The following CACNB1 variants were observed in gnomAD, a reference collection of about 807,000 sequenced individuals.
The protein encoded by CACNB1 is voltage-dependent L-type calcium channel subunit beta-1.
CACNB1 carries 29 observed loss-of-function variants against 71.6 expected under a neutral mutation model. The observed-to-expected ratio is 0.40, with a 90% CI of 0.30 to 0.55. The LOEUF (loss-of-function observed/expected upper bound fraction) is 0.55, where lower values mean the gene tolerates loss of function less well. Among genes scored for constraint, CACNB1 ranks in the 20% least tolerant of loss-of-function variants. The pLI is 0.38. For synonymous variants in CACNB1, 300 were observed against 319.6 expected (o/e 0.94, Z 0.65); for missense variants, 623 against 801.8 (o/e 0.78, Z 2.69).
chr17:39,177,699 T>C (rs1361938170), intron 12 of CACNB1, among the ~76,000 whole-genome samples, 164 bp from the exon 13 acceptor site: 1 of 152,126 alleles, frequency 6.6e-6, no homozygotes, highest in Non-Finnish European at 1.5e-5. Context: ...ATCTACAGAT[T>C]GGCAGAACTG....
At chr17:39,179,208 G>A (rs1442075167) in intron 11 of CACNB1, among the ~76,000 whole-genome samples, 1 of 149,540 alleles carries the variant, frequency 6.7e-6, no homozygotes, top group African/African-American at 2.5e-5. Context: ...CAGAAGAATG[G>A]AGGCAGAGCT....
At chr17:39,185,940 C>G (rs762174033) in intron 6 of CACNB1, 1 of 1,609,328 alleles carries the variant, frequency 6.2e-7, no homozygotes, top group Non-Finnish European at 8.5e-7. Context: ...AAGAACACAG[C>G]GAGAATTACC....
rs772228737 is a variant in CACNB1 at position 39,177,246 on chromosome 17, T to G, written c.1332+104A>C. 8 of 1,591,648 alleles carry G rather than the reference T, an allele frequency of 5.0e-6. No homozygotes were observed. The Admixed American group carries it at 1.2e-4, about 24-fold the overall frequency. On this transcript the variant is annotated intron_variant, in intron 13 of 13. Coordinates refer to ENST00000394303, the MANE Select transcript of CACNB1 (RefSeq NM_000723.5). ...GAGGGAAGACGGGCAGGGCGCCCACTACATGGCATGTTCCTGCTCCTGGGG... is the reference window on the plus strand; with the variant it reads ...GAGGGAAGACGGGCAGGGCGCCCACGACATGGCATGTTCCTGCTCCTGGGG...
At chr17:39,197,281 G>C (rs2046221064) in intron 1 of CACNB1, 131 bp downstream of exon 1, 1 of 531,710 alleles carries the variant, frequency 1.9e-6, no homozygotes. Flanking sequence ...GCAAGGATGG[G>C]GGGCGCGCAG....
chr17:39,188,692 C>T (rs762066512), intron 3 of CACNB1, among the ~76,000 whole-genome samples: 1 of 152,018 alleles, frequency 6.6e-6, no homozygotes, highest in African/African-American at 2.4e-5. Flanking sequence ...AGGCGGGGCA[C>T]TCAGGAATGA....
At position 39,194,833 on chromosome 17, in the gene CACNB1, G is replaced by C; in HGVS notation, c.171+51C>G. ...ACCGCAGACCTGGCTCACCAATGCTGGTCTCCACCAACCAGCCACCTCCCT... is the reference window on the plus strand; with the variant it reads ...ACCGCAGACCTGGCTCACCAATGCTCGTCTCCACCAACCAGCCACCTCCCT... On this transcript the variant is annotated intron_variant, in intron 2 of 13. Coordinates refer to ENST00000394303, the MANE Select transcript of CACNB1 (RefSeq NM_000723.5). The surrounding 1 kb of genome is among the most constrained non-coding windows in gnomAD (Gnocchi z 4.6). 1.0e-5 allele frequency: 13 copies of C among 1,285,272 alleles called. No individual in the cohort carries two copies. Among genetic ancestry groups the C allele is most frequent in the Non-Finnish European group, 1.5e-5 (13 of 893,406 alleles). 79.6% of individuals were successfully genotyped at this position (1,285,272 alleles called of 1,614,324 possible). A position where few individuals can be genotyped will look rare whatever the true frequency, so the allele number is the denominator to read the frequency against.
In CACNB1 at chr17:39,194,123, A is replaced by G. The variant is rs1253706130; in HGVS notation, c.171+761T>C. On this transcript the variant is annotated intron_variant, in intron 2 of 13. Coordinates refer to ENST00000394303, the MANE Select transcript of CACNB1 (RefSeq NM_000723.5). This position sits in a 1 kb window ranked among gnomAD's most constrained non-coding sequence, Gnocchi z 4.6. ...ACACGCCTTTTCCTTGTCTAATCCC[A>G]AGCCCCTCTCGCCTTTTTTGGGTAC... 6.6e-6 allele frequency among the ~76,000 whole-genome samples: 1 copy of G among 151,802 alleles called. No homozygotes were observed. The highest frequency in any genetic ancestry group is 2.4e-5 in the African/African-American group (1 of 41,288).
chr17:39,193,166 A>G (rs901903094), intron 2 of CACNB1: 55 of 274,018 alleles, frequency 2.0e-4, no homozygotes, highest in African/African-American at 1.2e-3. Context: ...ATACACACAC[A>G]GTTACATGCA....
chr17:39,175,290 C>T lies in CACNB1; in HGVS notation c.1700G>A (p.Arg567Gln), dbSNP rs781162158. Residue 567 changes from arginine to glutamine, a missense_variant, in exon 14 of 14, where the codon CGG (arginine) becomes CAG (glutamine). Arg to Gln is a conservative substitution (Grantham distance 43, BLOSUM62 1). Coordinates refer to ENST00000394303, the MANE Select transcript of CACNB1 (RefSeq NM_000723.5). The surrounding 1 kb of genome is among the most constrained non-coding windows in gnomAD (Gnocchi z 4.7). The stretch of plus-strand genomic sequence containing the variant: ...CTCAGCGCAGTAGCGGGCCTTATTC[C>T]GGCCCCGGTTCCGGTTGTCGGTCAG... ...EELTDNRNRGRNKARYCAEGG... is the reference protein window; with the variant it reads ...EELTDNRNRGQNKARYCAEGG... 16 of 1,614,040 alleles carry T rather than the reference C, an allele frequency of 9.9e-6. No homozygotes were observed. In the East Asian group the frequency reaches 3.1e-4, roughly 31 times the overall value.
rs756466042 is a variant in CACNB1, at chr17:39,187,513, G to T, written c.380C>A (p.Thr127Asn). The change falls in exon 4 of 14, where the codon ACC (threonine) becomes AAC (asparagine). Residue 127 changes from threonine to asparagine, a missense_variant. Physicochemically the swap from Thr to Asn is moderately conservative, Grantham distance 65. Coordinates refer to ENST00000394303, the MANE Select transcript of CACNB1 (RefSeq NM_000723.5). ...GTGCAGGAAGTCTTTGGGCTCGAAG[G>T]TGATGGCCACTCCCTGCACAGGCAC... The part of the protein sequence containing the change: ...DEVPVQGVAI[T>N]FEPKDFLHIK... 12 of 1,614,014 alleles carry T rather than the reference G, an allele frequency of 7.4e-6. No individual in the cohort carries two copies. Among genetic ancestry groups the T allele is most frequent in the Admixed American group, 3.3e-5 (2 of 59,988 alleles).
At chr17:39,196,194 A>G (rs1202965544) in intron 1 of CACNB1, among the ~76,000 whole-genome samples, 5 of 152,212 alleles carry the variant, frequency 3.3e-5, no homozygotes, top group Non-Finnish European at 5.9e-5. Flanking sequence ...AGGATGGAAA[A>G]TGGGAGAGGA....
rs1030916115 is a variant in CACNB1, at chr17:39,173,473, AT to A, written c.*1719del. 6.6e-6 allele frequency: 1 copy of A among 152,322 alleles called. No individual in the cohort carries two copies. Among genetic ancestry groups the A allele is most frequent in the African/African-American group, 2.4e-5 (1 of 41,442 alleles). The allele number at this position is 152,322 out of a possible 1,614,324, so 9.4% of individuals were successfully genotyped here. A position where few individuals can be genotyped will look rare whatever the true frequency, so the allele number is the denominator to read the frequency against. ...CAAGAGCAGAAAAACAGTCATGTGT[AT>A]TTAAGACATTGCACCAGTGGGTCTG... On this transcript the variant is annotated 3_prime_UTR_variant, in exon 14 of 14. Coordinates refer to ENST00000394303, the MANE Select transcript of CACNB1 (RefSeq NM_000723.5).
At chr17:39,178,307 G>A (rs1260055365) in intron 11 of CACNB1, 2 of 424,766 alleles carry the variant, frequency 4.7e-6, no homozygotes, top group East Asian at 7.9e-5. Context: ...CTTCCTTAGG[G>A]GCTATATGAA....
chr17:39,183,610 G>T, intron 11 of CACNB1, 103 bp downstream of exon 11: 1 of 946,178 alleles, frequency 1.1e-6, no homozygotes, highest in Non-Finnish European at 1.6e-6. Context: ...TAAGACTCAG[G>T]CAGATTAATT....
chr17:39,177,719 T>C (rs2045622938), intron 12 of CACNB1, among the ~76,000 whole-genome samples, 184 bp from the exon 13 acceptor site: 1 of 152,094 alleles, frequency 6.6e-6, no homozygotes, highest in Non-Finnish European at 1.5e-5. Context: ...GCAAGAAGTT[T>C]TGGCACTCAG....
chr17:39,193,290 G>A, intron 2 of CACNB1: 1 of 324,780 alleles, frequency 3.1e-6, no homozygotes, highest in South Asian at 2.3e-5. Flanking sequence ...ACACACATAT[G>A]CAGACACATG....
Position 39,191,491 on chromosome 17 carries a change from G to T in CACNB1, c.274C>A (p.Gln92Lys). ...RKEAERQALA[Q>K]LEKAKTKPVA... ...TTTCTCACCTTGGCCTTCTCGAGCT[G>T]CGCTAATGCCTGGCGCTCTGCTTCC... is the stretch of plus-strand genomic sequence containing the variant. Residue 92 changes from glutamine to lysine, a missense_variant, in exon 3 of 14, where the codon CAG (glutamine) becomes AAG (lysine). Gln to Lys is a moderately conservative substitution (Grantham distance 53). Transcript: ENST00000394303. The T allele has an allele frequency of 6.2e-7, 1 of 1,606,520 alleles. No homozygotes were observed. Among genetic ancestry groups the T allele is most frequent in the Non-Finnish European group, 8.5e-7 (1 of 1,177,764 alleles).
rs2046152928 is a variant in CACNB1, at chr17:39,194,122, C to G, written c.171+762G>C. Among the ~76,000 whole-genome samples, 1 of 152,112 alleles carries G rather than the reference C, an allele frequency of 6.6e-6. No homozygotes were observed. Among genetic ancestry groups the G allele is most frequent in the Admixed American group, 6.5e-5 (1 of 15,272 alleles). Reference sequence around the variant, plus strand: ...TACACGCCTTTTCCTTGTCTAATCCCAAGCCCCTCTCGCCTTTTTTGGGTA... The same window carrying G: ...TACACGCCTTTTCCTTGTCTAATCCGAAGCCCCTCTCGCCTTTTTTGGGTA... On this transcript the variant is annotated intron_variant, in intron 2 of 13. Transcript: ENST00000394303. The surrounding 1 kb of genome is among the most constrained non-coding windows in gnomAD (Gnocchi z 4.6).
In CACNB1 at chr17:39,191,601, TAG is replaced by T. The variant is rs1363285506; in HGVS notation, c.172-10_172-9del. ...GTAGGACTCCGCTGAGCCCTGAAAA[TAG>T]AGAGAGCCAGATCAGGGCCATTGCT... On this transcript the variant is annotated splice_polypyrimidine_tract_variant and intron_variant, in intron 2 of 13. Transcript: ENST00000394303. The T allele has an allele frequency of 7.5e-6, 12 of 1,607,484 alleles. No individual in the cohort carries two copies. The highest frequency in any genetic ancestry group is 1.7e-5 in the Admixed American group (1 of 58,482).
Sources: gnomAD v4.1 joint callset for allele counts (sites outside exome capture counted in the v4.1 genomes callset) on GRCh38, gnomAD v4.1.1 for gene constraint, Gnocchi (gnomAD v3.1) non-coding constraint, MANE v1.5 for transcripts, NCBI Gene and HGNC (gene_info 2026-07-23, HGNC 2026-07-21) for gene names.